Variants in MYBBP1A observed in about 807,000 individuals in gnomAD.
MYBBP1A encodes the protein MYB binding protein 1a.
In MYBBP1A, 147 loss-of-function variants were observed where a neutral mutation model predicts 136.3. That is an observed-to-expected ratio of 1.08 (90% CI 0.94 to 1.24). MYBBP1A has a LOEUF of 1.24. Among genes scored for constraint, MYBBP1A ranks in the 50% most tolerant of loss-of-function variants. The probability of loss-of-function intolerance (pLI) is 0.00; values close to 1 mark genes in which losing one functional copy is unlikely to be tolerated. For synonymous variants in MYBBP1A, 947 were observed against 735.8 expected (o/e 1.29, Z -4.65); for missense variants, 2,060 against 1,727.4 (o/e 1.19, Z -3.41).
At chr17:4,545,499 A>C in intron 15 of MYBBP1A, 111 bp downstream of exon 15, 2 of 1,490,670 alleles carry the variant, frequency 1.3e-6, no homozygotes, top group Non-Finnish European at 9.0e-7. Flanking sequence ...GACCCCTCCC[A>C]CCGGCCGCAG....
At position 4,552,380 on chromosome 17, in the gene MYBBP1A, G is replaced by A. The variant is rs113212786; in HGVS notation, c.737+71C>T. 5.9e-4 allele frequency: 938 copies of A among 1,602,466 alleles called. 1 individual carries two copies. Among genetic ancestry groups the A allele is most frequent in the Non-Finnish European group, 7.3e-4 (858 of 1,174,828 alleles). On this transcript the variant is annotated intron_variant, in intron 6 of 25. Transcript: ENST00000254718. The surrounding 1 kb of genome is among the most constrained non-coding windows in gnomAD (Gnocchi z 4.7). ...CAGCCGGGACACCCCCAGGCCAAAC[G>A]ACAAATCTGGGCCTGGCCAGATGCA...
rs542150517 is a variant in MYBBP1A at position 4,545,765 on chromosome 17, C to T, written c.1922-4G>A. 1 of 1,605,672 alleles carries T rather than the reference C, an allele frequency of 6.2e-7. No homozygotes were observed. The highest frequency in any genetic ancestry group is 1.3e-5 in the African/African-American group (1 of 74,934). Reference sequence around the variant, plus strand: ...ACCCACGGGGGTTCCTGGGGGTCTGCAAGAGGGAGGGGTTGAGCCCGGATA... The same window carrying T: ...ACCCACGGGGGTTCCTGGGGGTCTGTAAGAGGGAGGGGTTGAGCCCGGATA... On this transcript the variant is annotated splice_polypyrimidine_tract_variant and splice_region_variant and intron_variant, in intron 14 of 25. Transcript: ENST00000254718.
chr17:4,542,994 G>A lies in MYBBP1A; in HGVS notation c.2811C>T (p.Asn937=), dbSNP rs766898769. Residue 937 remains asparagine (N), a synonymous_variant, in exon 20 of 26, where the codon AAC becomes AAT. Coordinates refer to ENST00000254718, the MANE Select transcript of MYBBP1A (RefSeq NM_014520.4). ...TCTCATGCACGCAGCCCTCAGCAGT[G>A]TTGCCCTTCAAGACCCGGAGCAGGT... ...SLYLLRVLKG[N]TAEGCVHETQ... The A allele has an allele frequency of 6.8e-6, 11 of 1,613,948 alleles. No homozygotes were observed. Among genetic ancestry groups the A allele is most frequent in the South Asian group, 1.1e-5 (1 of 91,092 alleles).
chr17:4,555,306 C>G lies in MYBBP1A; in HGVS notation c.19G>C (p.Ala7Pro), dbSNP rs765918836. MESRDPAQPMSPGEATQ... is the reference protein window; with the variant it reads MESRDPPQPMSPGEATQ... ...GCTTCTCCAGGCGACATCGGCTGGG[C>G]GGGATCCCGGCTCTCCATCTCCGCC... Residue 7 changes from alanine (A) to proline (P), a missense_variant, in exon 1 of 26, where the codon GCC becomes CCC. Transcript: ENST00000254718. The G allele has an allele frequency of 1.3e-6, 2 of 1,599,652 alleles. No homozygotes were observed. Among genetic ancestry groups the G allele is most frequent in the Non-Finnish European group, 8.5e-7 (1 of 1,174,316 alleles).
intron 8 of MYBBP1A, among the ~76,000 whole-genome samples, chr17:4,550,998 TTTTCC>T (rs1171660691): frequency 2.0e-5 from 3 of 152,222 alleles, no homozygotes; most frequent in East Asian, 3.8e-4. Context: ...GCCCAAGCTG[TTTTCC>T]TTTCAATTTT....
At chr17:4,551,794 C>G (rs552681797) in intron 8 of MYBBP1A, 86 bp downstream of exon 8, 1 of 1,207,666 alleles carries the variant, frequency 8.3e-7, no homozygotes, top group Admixed American at 1.9e-5. Context: ...TAGCCAAGCC[C>G]CCGAGGTGCC....
Position 4,547,939 on chromosome 17 carries a change from C to T in MYBBP1A, c.1824+19G>A. The T allele has an allele frequency of 2.1e-6, 3 of 1,457,052 alleles. No homozygotes were observed. The highest frequency in any genetic ancestry group is 1.8e-6 in the Non-Finnish European group (2 of 1,103,964). 90.3% of individuals were successfully genotyped at this position (1,457,052 alleles called of 1,614,324 possible). A position where few individuals can be genotyped will look rare whatever the true frequency, so the allele number is the denominator to read the frequency against. On this transcript the variant is annotated intron_variant, in intron 13 of 25. Coordinates refer to ENST00000254718, the MANE Select transcript of MYBBP1A (RefSeq NM_014520.4). ...ATAGAACCCCAGGCTCACAGCCCCT[C>T]CCTCCCAGGCCCCAGTACCTTGAGG... is the stretch of plus-strand genomic sequence containing the variant.
In MYBBP1A at chr17:4,548,505, T is replaced by A; in HGVS notation, c.1556+19A>T. The A allele has an allele frequency of 6.2e-7, 1 of 1,613,700 alleles. No homozygotes were observed. The highest frequency in any genetic ancestry group is 1.1e-5 in the South Asian group (1 of 91,066). On this transcript the variant is annotated intron_variant, in intron 11 of 25. Coordinates refer to ENST00000254718, the MANE Select transcript of MYBBP1A (RefSeq NM_014520.4). This position sits in a 1 kb window ranked among gnomAD's most constrained non-coding sequence, Gnocchi z 4.2. ...GGCCTTCCCACCTTCGGACCTCTCC[T>A]GGGCTGCCCAAGACTCACCTGAAGA...
rs549957651 is a variant in MYBBP1A at position 4,550,296 on chromosome 17, C to G, written c.1081G>C (p.Glu361Gln). 1.8e-5 allele frequency: 29 copies of G among 1,613,282 alleles called. No individual in the cohort carries two copies. In the South Asian group the frequency reaches 2.9e-4, roughly 16 times the overall value. The change falls in exon 9 of 26, where the codon GAG (glutamate) becomes CAG (glutamine). Residue 361 changes from glutamate to glutamine, a missense_variant. Glu to Gln is a conservative substitution (Grantham distance 29, BLOSUM62 2). Transcript: ENST00000254718. ...EMDDYVGTFL[E>Q]GCQDDPERQL... ...CGCTCAGGGTCATCCTGGCACCCCT[C>G]TAGGAAGGTGCCCACGTAATCGTCC...
In MYBBP1A at chr17:4,555,142, C is replaced by CAT; in HGVS notation, c.182_183insAT (p.Arg62CysfsTer10). The CAT allele has an allele frequency of 6.3e-7, 1 of 1,595,770 alleles. No homozygotes were observed. Among genetic ancestry groups the CAT allele is most frequent in the Non-Finnish European group, 8.5e-7 (1 of 1,171,046 alleles). On this transcript the variant is annotated frameshift_variant, in exon 1 of 26. Transcript: ENST00000254718. LOFTEE classifies it high-confidence loss of function. ...GCCACTCCACCTTCGGCCTGCCACG[C>CAT]AGATACTCCAGCAGCTTCTCCGTGG...
In MYBBP1A at chr17:4,539,783, T is replaced by G. The variant is rs1567601452; in HGVS notation, c.3619A>C (p.Ser1207Arg). The G allele has an allele frequency of 1.9e-6, 3 of 1,612,578 alleles. No homozygotes were observed. The highest frequency in any genetic ancestry group is 2.5e-6 in the Non-Finnish European group (3 of 1,179,984). ...PAATGGSQPPSMGRKKRNRTK... is the reference protein window; with the variant it reads ...PAATGGSQPPRMGRKKRNRTK... Reference sequence around the variant, plus strand: ...CTGTTCCTCTTCTTCCTGCCCATGCTGGGGGGCTGGCTCCCGCCGGTGGCT... The same window carrying G: ...CTGTTCCTCTTCTTCCTGCCCATGCGGGGGGGCTGGCTCCCGCCGGTGGCT... Residue 1207 changes from serine (S) to arginine (R), a missense_variant, in exon 26 of 26, where the codon AGC (serine) becomes CGC (arginine). Transcript: ENST00000254718.
chr17:4,539,581 TGGCCTGCAG>T lies in MYBBP1A; in HGVS notation c.3812_3820del (p.Pro1271_Gly1273del). On this transcript the variant is annotated inframe_deletion, in exon 26 of 26. Coordinates refer to ENST00000254718, the MANE Select transcript of MYBBP1A (RefSeq NM_014520.4). Reference sequence around the variant, plus strand: ...GGGAAGAGCCTTCTGATGCTGCTTTTGGCCTGCAGGTTCCGTGGGGGACCCGGGAGCTCC... The same window carrying T: ...GGGAAGAGCCTTCTGATGCTGCTTTTGTTCCGTGGGGGACCCGGGAGCTCC... 4 of 1,614,152 alleles carry T rather than the reference TGGCCTGCAG, an allele frequency of 2.5e-6. No individual in the cohort carries two copies. Among genetic ancestry groups the T allele is most frequent in the Non-Finnish European group, 3.4e-6 (4 of 1,180,032 alleles).
rs1372176787 is a variant in MYBBP1A at position 4,545,111 on chromosome 17, T to C, written c.2225A>G (p.Glu742Gly). ...CCCGTCGCGCTCCTCCTCCTCGCTC[T>C]CCTCCCCCTCGCTCTCCTCTTCACT... is the stretch of plus-strand genomic sequence containing the variant. ...SESEEESEGE[E>G]SEEEERDGDV... is the part of the protein sequence containing the mutation. The change falls in exon 17 of 26, where the codon GAG (glutamate) becomes GGG (glycine). Residue 742 changes from glutamate to glycine, a missense_variant. Coordinates refer to ENST00000254718, the MANE Select transcript of MYBBP1A (RefSeq NM_014520.4). 1 of 1,607,010 alleles carries C rather than the reference T, an allele frequency of 6.2e-7. No individual in the cohort carries two copies.
At position 4,554,264 on chromosome 17, in the gene MYBBP1A, A is replaced by T. The variant is rs1372463395; in HGVS notation, c.309T>A (p.Phe103Leu). The T allele has an allele frequency of 1.2e-6, 2 of 1,614,020 alleles. No homozygotes were observed. The highest frequency in any genetic ancestry group is 1.7e-6 in the Non-Finnish European group (2 of 1,179,998). ...SLALAQLLQS[F>L]EDLPLCSILQ... ...GGATGCTGCACAAGGGGAGGTCTTC[A>T]AAAGACTGTAACAGCTGCCAGGAGT... is the stretch of plus-strand genomic sequence containing the variant. The change falls in exon 3 of 26, where the codon TTT (phenylalanine) becomes TTA (leucine). Residue 103 changes from phenylalanine to leucine, a missense_variant. Phe to Leu is a conservative substitution (Grantham distance 22). Transcript: ENST00000254718.
At position 4,542,617 on chromosome 17, in the gene MYBBP1A, G is replaced by A. The variant is rs567715978; in HGVS notation, c.3017C>T (p.Pro1006Leu). The part of the protein sequence containing the change: ...PMFLSLFSRH[P>L]VLCQSLLPIL... The stretch of plus-strand genomic sequence containing the variant: ...AGCAGGGCAGGCCCCAACACTCACC[G>A]GGTGCCGGGAGAAGAGGCTGAGGAA... Residue 1006 changes from proline (P) to leucine (L), a missense_variant and splice_region_variant, in exon 21 of 26, where the codon CCG becomes CTG. Coordinates refer to ENST00000254718, the MANE Select transcript of MYBBP1A (RefSeq NM_014520.4). 8.2e-5 allele frequency: 133 copies of A among 1,613,942 alleles called. No individual in the cohort carries two copies. The highest frequency in any genetic ancestry group is 7.2e-4 in the South Asian group (66 of 91,062).
In MYBBP1A at chr17:4,554,981, G is replaced by A. The variant is rs1174857097; in HGVS notation, c.199-25C>T. 2.5e-6 allele frequency: 4 copies of A among 1,612,008 alleles called. No homozygotes were observed. The Admixed American group carries it at 6.7e-5, about 27-fold the overall frequency. On this transcript the variant is annotated intron_variant, in intron 1 of 25. Transcript: ENST00000254718. ...CCTGCGGAACCAAGCACACCCTCGT[G>A]TTCAATGGTGACAACAAGGTGCACG... is the stretch of plus-strand genomic sequence containing the variant.
Position 4,540,449 on chromosome 17 carries a change from C to T in MYBBP1A, c.3333G>A (p.Val1111=). ...LTLDLTVLLG[V]LQGQQQSLQQ... Reference sequence around the variant, plus strand: ...GTAGGCTCTGCTGTTGCCCCTGCAGCACACCCAGGAGCACCGTCAGGTCCA... The same window carrying T: ...GTAGGCTCTGCTGTTGCCCCTGCAGTACACCCAGGAGCACCGTCAGGTCCA... Residue 1111 remains valine, a synonymous_variant, in exon 25 of 26, where the codon GTG becomes GTA. Coordinates refer to ENST00000254718, the MANE Select transcript of MYBBP1A (RefSeq NM_014520.4). 6.2e-7 allele frequency: 1 copy of T among 1,610,890 alleles called. No homozygotes were observed. Among genetic ancestry groups the T allele is most frequent in the Non-Finnish European group, 8.5e-7 (1 of 1,179,614 alleles).
Position 4,541,844 on chromosome 17 carries a change from C to T in MYBBP1A, c.3135G>A (p.Ser1045=), listed in dbSNP as rs367780928. ...QKTLSMREVR[S]CFEDPEWKQL... ...GCTTCCACTCGGGGTCCTCAAAGCA[C>T]GACCTCACCTCCCGCATGGACAGGG... The change falls in exon 23 of 26, where the codon TCG becomes TCA. Residue 1045 remains serine (S), a synonymous_variant. Transcript: ENST00000254718. The T allele has an allele frequency of 1.5e-5, 24 of 1,613,990 alleles. No individual in the cohort carries two copies. Among genetic ancestry groups the T allele is most frequent in the African/African-American group, 4.0e-5 (3 of 74,952 alleles).
At chr17:4,543,240 G>A in intron 19 of MYBBP1A, 75 bp from the exon 20 acceptor site, 3 of 1,492,532 alleles carry the variant, frequency 2.0e-6, no homozygotes, top group Non-Finnish European at 2.7e-6. Context: ...GCCAACCCAA[G>A]TCCCACTTTA....
Sources: gnomAD v4.1 joint callset for allele counts (sites outside exome capture counted in the v4.1 genomes callset) on GRCh38, gnomAD v4.1.1 for gene constraint, Gnocchi (gnomAD v3.1) non-coding constraint, MANE v1.5 for transcripts, NCBI Gene and HGNC (gene_info 2026-07-23, HGNC 2026-07-21) for gene names.